The following TCF4 variants were observed in gnomAD, a reference collection of about 807,000 sequenced individuals.
TCF4 encodes the protein SL3-3 enhancer factor 2.
A neutral mutation model predicts 82.1 loss-of-function variants in TCF4; 3 were observed. That is an observed-to-expected ratio of 0.04 (90% CI 0.02 to 0.09). TCF4 has a LOEUF of 0.09. Among genes scored for constraint, TCF4 ranks in the 10% least tolerant of loss-of-function variants. The pLI is 1.00. For synonymous variants in TCF4, 276 were observed against 309.6 expected, an observed-to-expected ratio of 0.89 and a Z score of 1.14; for missense variants, 518 against 852.7, an observed-to-expected ratio of 0.61 and a Z score of 4.89.
intron 3 of TCF4, among the ~76,000 whole-genome samples, chr18:55,477,271 T>C (rs2096310653): frequency 6.6e-6 from 1 of 152,206 alleles, no homozygotes; most frequent in Non-Finnish European, 1.5e-5. Context: ...AAAATCATTT[T>C]TCAAAAGAGG....
intron 6 of TCF4, among the ~76,000 whole-genome samples, chr18:55,366,016 ATAGAT>A (rs2087012903): frequency 9.0e-6 from 1 of 110,500 alleles, no homozygotes; most frequent in Admixed American, 9.0e-5. Flanking sequence ...AGATATAGAT[ATAGAT>A]ATAGATATAT....
chr18:55,286,339 A>G (rs756645402), intron 8 of TCF4, among the ~76,000 whole-genome samples: 16 of 136,508 alleles, frequency 1.2e-4, no homozygotes, highest in Non-Finnish European at 2.0e-4. Flanking sequence ...TTTCTCTTTC[A>G]TGTTACTTTC....
intron 4 of TCF4, among the ~76,000 whole-genome samples, chr18:55,462,031 CA>C: frequency 6.6e-6 from 1 of 152,232 alleles, no homozygotes; most frequent in South Asian, 2.1e-4. Flanking sequence ...AAGTCTAAGT[CA>C]AATTTACTCA....
intron 8 of TCF4, among the ~76,000 whole-genome samples, chr18:55,309,845 T>A (rs966634279): frequency 3.3e-5 from 5 of 152,082 alleles, no homozygotes; most frequent in Non-Finnish European, 7.4e-5. Context: ...ACACAGATAA[T>A]CAATGATTGA....
chr18:55,502,087 G>T (rs1232165538), intron 3 of TCF4, among the ~76,000 whole-genome samples: 2 of 152,130 alleles, frequency 1.3e-5, no homozygotes, highest in Non-Finnish European at 2.9e-5. Context: ...ACTAACCAAG[G>T]TAGATATACT....
intron 8 of TCF4, among the ~76,000 whole-genome samples, chr18:55,314,407 T>C (rs146912965): frequency 0.013 from 1,913 of 152,204 alleles, 43 homozygotes; most frequent in African/African-American, 0.043. Flanking sequence ...AATAAAATAA[T>C]GGGGTGCAGA....
chr18:55,301,357 T>C (rs2068221695), intron 8 of TCF4, among the ~76,000 whole-genome samples: 1 of 152,228 alleles, frequency 6.6e-6, no homozygotes, highest in Non-Finnish European at 1.5e-5. Flanking sequence ...TGCATGTATA[T>C]ATTTTCTTAT....
Position 55,302,120 on chromosome 18 carries a change from G to A in TCF4, c.550-22464C>T, listed in dbSNP as rs190394985. Among the ~76,000 whole-genome samples, 117 of 152,258 alleles carry A rather than the reference G, an allele frequency of 7.7e-4. 1 individual carries two copies. The highest frequency in any genetic ancestry group is 2.8e-3 in the African/African-American group (116 of 41,542). On this transcript the variant is annotated intron_variant, in intron 8 of 19. Coordinates refer to ENST00000354452, the MANE Select transcript of TCF4 (RefSeq NM_001083962.2). Reference sequence around the variant, plus strand: ...GCAGTCCTCTATTCCTAAAAGTCTGGCCACAAAAGACCTGAACAAGGTGGC... The same window carrying A: ...GCAGTCCTCTATTCCTAAAAGTCTGACCACAAAAGACCTGAACAAGGTGGC...
At chr18:55,371,814 T>C (rs1330946672) in intron 6 of TCF4, among the ~76,000 whole-genome samples, 1 of 152,188 alleles carries the variant, frequency 6.6e-6, no homozygotes, top group African/African-American at 2.4e-5. Context: ...GTCTCTATTG[T>C]TACCCACTTG....
chr18:55,577,147 T>C (rs867661098), intron 3 of TCF4, among the ~76,000 whole-genome samples: 2 of 145,820 alleles, frequency 1.4e-5, no homozygotes, highest in Middle Eastern at 3.6e-3. Context: ...TACATTTATA[T>C]ATTTATATAT....
chr18:55,438,200 CAAAAAAAAA>C (rs1295763534), intron 5 of TCF4, among the ~76,000 whole-genome samples: 53 of 63,858 alleles, frequency 8.3e-4, no homozygotes, highest in African/African-American at 2.7e-3. Flanking sequence ...GACTTCGTCT[CAAAAAAAAA>C]AAAAAAAAAA....
chr18:55,471,881 A>AATTT (rs756782795), intron 3 of TCF4, among the ~76,000 whole-genome samples: 3 of 152,190 alleles, frequency 2.0e-5, no homozygotes, highest in African/African-American at 4.8e-5. Flanking sequence ...CTAACCAAAT[A>AATTT]AATCTGAAAC....
intron 13 of TCF4, 87 bp from the exon 14 acceptor site, chr18:55,257,478 C>T: frequency 1.6e-6 from 2 of 1,241,768 alleles, no homozygotes; most frequent in Non-Finnish European, 2.4e-6. Context: ...TTGGAAATGG[C>T]AATGGCAATG....
At chr18:55,349,589 G>C (rs1323523184) in intron 8 of TCF4, among the ~76,000 whole-genome samples, 1 of 152,042 alleles carries the variant, frequency 6.6e-6, no homozygotes, top group Non-Finnish European at 1.5e-5. Flanking sequence ...AAAGAAAGAA[G>C]AGAGGAAACT....
At chr18:55,435,544 C>A (rs2095311162) in intron 5 of TCF4, among the ~76,000 whole-genome samples, 1 of 152,182 alleles carries the variant, frequency 6.6e-6, no homozygotes, top group African/African-American at 2.4e-5. Context: ...TATGTATTTG[C>A]AGAATGAATG....
upstream of TCF4, chr18:55,589,923 G>C (rs1328353548): frequency 1.3e-6 from 1 of 780,168 alleles, no homozygotes; most frequent in Admixed American, 6.2e-5. Flanking sequence ...CCAAGATGGC[G>C]GTGCTGGTCG....
At chr18:55,531,590 GAATAGTATTTCACTACT>G (rs1220152914) in intron 3 of TCF4, among the ~76,000 whole-genome samples, 1 of 152,130 alleles carries the variant, frequency 6.6e-6, no homozygotes, top group Non-Finnish European at 1.5e-5. Context: ...TTTTGTAGAG[GAATAGTATTTCACTACT>G]AATATTCAGC....
intron 3 of TCF4, among the ~76,000 whole-genome samples, chr18:55,477,506 G>A (rs2096317871): frequency 6.6e-6 from 1 of 152,206 alleles, no homozygotes; most frequent in Admixed American, 6.5e-5. Context: ...TTTAAACCAT[G>A]TCAGCAATGA....
intron 6 of TCF4, among the ~76,000 whole-genome samples, chr18:55,355,481 C>T (rs2083285289): frequency 6.6e-6 from 1 of 152,086 alleles, no homozygotes; most frequent in South Asian, 2.1e-4. Flanking sequence ...ACTACAGTAG[C>T]AGGAGGGGGG....
Sources: allele counts gnomAD v4.1 joint callset (sites outside exome capture counted in the v4.1 genomes callset), GRCh38; gene constraint gnomAD v4.1.1; transcripts MANE v1.5; gene names NCBI Gene and HGNC (gene_info 2026-07-23, HGNC 2026-07-21).